The following ELF2 variants were observed in gnomAD, a reference collection of about 807,000 sequenced individuals.
ELF2 encodes the protein ETS-related transcription factor Elf-2.
In ELF2, 11 loss-of-function variants were observed where a neutral mutation model predicts 54.8. The ratio of observed to expected loss-of-function variants is 0.20; its 90% CI spans 0.13 to 0.33. ELF2 has a LOEUF of 0.33. Ranked by LOEUF, ELF2 falls within the 10% of genes least tolerant of loss-of-function variation. The pLI, the probability that ELF2 is intolerant of heterozygous loss-of-function variation, is 1.00. For synonymous variants in ELF2, 203 were observed against 245.1 expected (o/e 0.83, Z 1.61); for missense variants, 513 against 703.0 (o/e 0.73, Z 3.06).
At chr4:139,104,637 TGAG>T (rs1734243946) in intron 4 of ELF2, among the ~76,000 whole-genome samples, 1 of 152,178 alleles carries the variant, frequency 6.6e-6, no homozygotes. Flanking sequence ...GCAAACAGGC[TGAG>T]TTCTTAGCAT....
chr4:139,139,846 G>C (rs891922914), intron 1 of ELF2, among the ~76,000 whole-genome samples: 9 of 151,710 alleles, frequency 5.9e-5, no homozygotes, highest in African/African-American at 2.2e-4. Flanking sequence ...AGTGGCTACA[G>C]GTATAACCCC....
At chr4:139,134,396 A>AGTTTTTTGGTTTTGCTTTTTTGTGTTTT (rs1737879638) in intron 3 of ELF2, among the ~76,000 whole-genome samples, 1 of 151,442 alleles carries the variant, frequency 6.6e-6, no homozygotes, top group African/African-American at 2.4e-5. Flanking sequence ...TTTGTTTGTC[A>AGTTTTTTGGTTTTGCTTTTTTGTGTTTT]CCCAGGCTGG....
chr4:139,145,931 A>T (rs758348003), intron 1 of ELF2, among the ~76,000 whole-genome samples: 9 of 152,206 alleles, frequency 5.9e-5, no homozygotes, highest in Non-Finnish European at 8.8e-5. Context: ...ACTGAATGGG[A>T]AAAAGTTGCA....
intron 1 of ELF2, among the ~76,000 whole-genome samples, chr4:139,164,134 G>A (rs1741469100): frequency 7.0e-6 from 1 of 143,536 alleles, no homozygotes; most frequent in African/African-American, 2.6e-5. Flanking sequence ...GAGAGAAAGA[G>A]AAAGAAGAGA....
At chr4:139,151,060 G>GAAAGAA (rs2148885001) in intron 1 of ELF2, among the ~76,000 whole-genome samples, 1 of 120,374 alleles carries the variant, frequency 8.3e-6, no homozygotes, top group African/African-American at 3.2e-5. Flanking sequence ...AAGAAAGAAA[G>GAAAGAA]AAAGAAAGAA....
intron 4 of ELF2, among the ~76,000 whole-genome samples, chr4:139,077,985 A>G (rs1284216054): frequency 6.6e-6 from 1 of 152,220 alleles, no homozygotes; most frequent in African/African-American, 2.4e-5. Context: ...AATTTCAAGA[A>G]CTGTTTTACT....
At chr4:139,146,511 T>C (rs1023891075) in intron 1 of ELF2, among the ~76,000 whole-genome samples, 10 of 152,128 alleles carry the variant, frequency 6.6e-5, no homozygotes, top group Admixed American at 3.3e-4. Context: ...TTTTCACAGA[T>C]TTAGAGAAAG....
chr4:139,109,089 A>G (rs1198294439), intron 4 of ELF2, among the ~76,000 whole-genome samples: 1 of 152,186 alleles, frequency 6.6e-6, no homozygotes, highest in African/African-American at 2.4e-5. Context: ...GTAAACAAGC[A>G]TCATTGCCAC....
In ELF2 at chr4:139,057,714, T is replaced by C. The variant is rs1244853633; in HGVS notation, c.*1269A>G. 2.0e-5 allele frequency: 3 copies of C among 152,266 alleles called. No individual in the cohort carries two copies. In the East Asian group the frequency reaches 5.8e-4, roughly 29 times the overall value. The allele number at this position is 152,266 out of a possible 1,614,324, so 9.4% of individuals were successfully genotyped here. On this transcript the variant is annotated 3_prime_UTR_variant, in exon 10 of 10. Coordinates refer to ENST00000686138, the MANE Select transcript of ELF2 (RefSeq NM_001331036.3). ...AAAGAAACTGGCAACATGCAGATAT[T>C]TGCCAAATATTAATATAATGGAAGT...
chr4:139,133,200 C>T (rs1428534549), intron 3 of ELF2, among the ~76,000 whole-genome samples: 1 of 152,126 alleles, frequency 6.6e-6, no homozygotes, highest in African/African-American at 2.4e-5. Flanking sequence ...GGATTACAGG[C>T]GTGAGCCACC....
intron 1 of ELF2, 31 bp from the exon 2 acceptor site, chr4:139,139,528 T>C (rs1738502541): frequency 9.0e-7 from 1 of 1,110,294 alleles, no homozygotes; most frequent in Non-Finnish European, 1.1e-6. Context: ...AAGATAATAT[T>C]AATATAATTA....
Position 139,058,973 on chromosome 4 carries a change from A to G in ELF2, c.*10T>C, listed in dbSNP as rs767137355. On this transcript the variant is annotated 3_prime_UTR_variant, in exon 10 of 10. Transcript: ENST00000686138. ...ACTAACAGCCTGAAGTCCATGGTGG[A>G]GCTGCTATTTTATTTCTCACATGTC... 47 of 1,592,246 alleles carry G rather than the reference A, an allele frequency of 3.0e-5. No individual in the cohort carries two copies. The highest frequency in any genetic ancestry group is 3.9e-5 in the Non-Finnish European group (45 of 1,168,416).
intron 1 of ELF2, among the ~76,000 whole-genome samples, chr4:139,141,444 T>G (rs1221479568): frequency 6.6e-6 from 1 of 152,220 alleles, no homozygotes; most frequent in Non-Finnish European, 1.5e-5. Context: ...GTCACATGAC[T>G]GCAAACAGCT....
intron 4 of ELF2, chr4:139,100,247 TA>T (rs1380282456): frequency 2.0e-5 from 3 of 151,896 alleles, no homozygotes; most frequent in African/African-American, 7.3e-5. Context: ...GGCAACATAG[TA>T]AAGAAACTTT....
intron 4 of ELF2, among the ~76,000 whole-genome samples, chr4:139,081,350 T>C (rs187403092): frequency 5.2e-4 from 79 of 152,302 alleles, no homozygotes; most frequent in African/African-American, 1.8e-3. Flanking sequence ...AGCAAAAGTA[T>C]ATTCGAGCTT....
chr4:139,133,125 G>A (rs1360951001), intron 3 of ELF2, among the ~76,000 whole-genome samples: 2 of 151,914 alleles, frequency 1.3e-5, no homozygotes, highest in African/African-American at 2.4e-5. Flanking sequence ...GTTTCACTGC[G>A]ATAGCCAGGA....
intron 4 of ELF2, among the ~76,000 whole-genome samples, chr4:139,085,865 C>T (rs1475663146): frequency 6.6e-6 from 1 of 152,086 alleles, no homozygotes; most frequent in Non-Finnish European, 1.5e-5. Context: ...CCAGGAGTTT[C>T]GGGTTGCAGT....
chr4:139,163,823 AG>A (rs1245151298), intron 1 of ELF2, among the ~76,000 whole-genome samples: 1 of 152,022 alleles, frequency 6.6e-6, no homozygotes, highest in Non-Finnish European at 1.5e-5. Context: ...CTGAGATGGG[AG>A]GATCACTTGA....
At chr4:139,150,971 C>T (rs1578933377) in intron 1 of ELF2, among the ~76,000 whole-genome samples, 1 of 148,770 alleles carries the variant, frequency 6.7e-6, no homozygotes, top group South Asian at 2.1e-4. Context: ...TTGCAGTGAG[C>T]CGAGATCGCA....
Sources: allele counts gnomAD v4.1 joint callset (sites outside exome capture counted in the v4.1 genomes callset), GRCh38; gene constraint gnomAD v4.1.1; transcripts MANE v1.5; gene names NCBI Gene and HGNC (gene_info 2026-07-23, HGNC 2026-07-21).